Variants in SYTL4 observed in about 807,000 individuals in gnomAD.
SYTL4 encodes synaptotagmin-like protein 4.
A neutral mutation model predicts 52.7 loss-of-function variants in SYTL4; 16 were observed. The observed-to-expected ratio is 0.30, with a 90% confidence interval of 0.21 to 0.46. The LOEUF is 0.46. Ranked by LOEUF, SYTL4 falls within the 20% of genes least tolerant of loss-of-function variation. The pLI is 1.00. For missense variants in SYTL4, 423 were observed against 519.9 expected (o/e 0.81, Z 1.81); for synonymous variants, 160 against 186.6 (o/e 0.86, Z 1.16).
intron 2 of SYTL4, among the ~76,000 whole-genome samples, chrX:100,715,149 T>C (rs2084174347): frequency 9.0e-6 from 1 of 111,202 alleles, no homozygotes; most frequent in South Asian, 3.9e-4. Flanking sequence ...GCCTCCCCAG[T>C]AGCTGGGATT....
chrX:100,707,360 AC>A (rs1179488176), intron 2 of SYTL4, among the ~76,000 whole-genome samples: 1 of 111,545 alleles, frequency 9.0e-6, no homozygotes, highest in Non-Finnish European at 1.9e-5. Context: ...CTTCTAAATA[AC>A]CCACATGTCA....
intron 2 of SYTL4, among the ~76,000 whole-genome samples, chrX:100,705,288 GT>G (rs1398481862): frequency 9.0e-6 from 1 of 111,626 alleles, no homozygotes. Flanking sequence ...CCAAGAATGA[GT>G]GACTATTATT....
intron 2 of SYTL4, among the ~76,000 whole-genome samples, chrX:100,722,790 T>C (rs1168017828): frequency 1.8e-5 from 2 of 111,894 alleles, no homozygotes; most frequent in Non-Finnish European, 3.8e-5. Flanking sequence ...CTGCCTTCAC[T>C]TCCTCATCTC....
chrX:100,693,090 T>G (rs1340403301), intron 8 of SYTL4, among the ~76,000 whole-genome samples: 1 of 111,298 alleles, frequency 9.0e-6, no homozygotes, highest in Non-Finnish European at 1.9e-5. Flanking sequence ...CCACCATGGC[T>G]GGCTAATTTT....
chrX:100,698,153 A>G (rs2083744171), intron 8 of SYTL4, among the ~76,000 whole-genome samples: 1 of 110,448 alleles, frequency 9.1e-6, no homozygotes. Context: ...CCCAGGCTGG[A>G]GTGCAGTGGA....
rs745701809 is a variant in SYTL4 at position 100,702,315 on chromosome X, G to T, written c.-70-208C>A. Reference sequence around the variant, plus strand: ...ATTTTTCAGAAAGAAAAAGTTATTCGTGACTCTGGGAAAAGGATTGGTTAT... The same window carrying T: ...ATTTTTCAGAAAGAAAAAGTTATTCTTGACTCTGGGAAAAGGATTGGTTAT... On this transcript the variant is annotated intron_variant, in intron 4 of 19. Transcript: ENST00000372989. Among the ~76,000 whole-genome samples the T allele has an allele frequency of 8.0e-5, 9 of 112,004 alleles. No individual in the cohort carries two copies. The Admixed American group carries it at 8.5e-4, about 11-fold the overall frequency.
At chrX:100,709,434 G>A (rs1465220758) in intron 2 of SYTL4, among the ~76,000 whole-genome samples, 3 of 111,968 alleles carry the variant, frequency 2.7e-5, no homozygotes, top group African/African-American at 6.5e-5. Context: ...CCTGGGAGGC[G>A]GAAGTTGCAG....
chrX:100,725,657 C>T (rs1025478696), intron 2 of SYTL4, among the ~76,000 whole-genome samples: 9 of 111,565 alleles, frequency 8.1e-5, no homozygotes, highest in Non-Finnish European at 1.1e-4. Context: ...CTTCCCCTGC[C>T]GAAATAAGTT....
intron 2 of SYTL4, among the ~76,000 whole-genome samples, chrX:100,723,527 C>G (rs1025678826): frequency 8.9e-5 from 10 of 112,256 alleles, no homozygotes; most frequent in Non-Finnish European, 1.9e-4. Context: ...ATTGCAGCCT[C>G]TGCCCGGCCG....
At position 100,710,442 on chromosome X, in the gene SYTL4, A is replaced by C. The variant is rs367843946; in HGVS notation, c.-239-5556T>G. Among the ~76,000 whole-genome samples, 4 of 112,106 alleles carry C rather than the reference A, an allele frequency of 3.6e-5. No individual in the cohort carries two copies. The East Asian group carries it at 1.1e-3, about 31-fold the overall frequency. On this transcript the variant is annotated intron_variant, in intron 2 of 19. Coordinates refer to ENST00000372989, the MANE Select transcript of SYTL4 (RefSeq NM_001370165.1). Reference sequence around the variant, plus strand: ...TATTCAGAACTGATTTAGCTACGTCAAGAAATGTGATGGTGTCTACACTTT... The same window carrying C: ...TATTCAGAACTGATTTAGCTACGTCCAGAAATGTGATGGTGTCTACACTTT...
chrX:100,675,889 T>TACATAC lies in SYTL4; in HGVS notation c.*138_*139insGTATGT. 2.5e-6 allele frequency: 1 copy of TACATAC among 407,880 alleles called. No individual in the cohort carries two copies. The highest frequency in any genetic ancestry group is 4.0e-6 in the Non-Finnish European group (1 of 252,443). 33.6% of individuals were successfully genotyped at this position (407,880 alleles called of 1,213,427 possible). On this transcript the variant is annotated 3_prime_UTR_variant, in exon 20 of 20. Transcript: ENST00000372989. ...GAGATTTGCAGAAAATACATGTTTG[T>TACATAC]ACACATACACACACACACACACACA... is the stretch of plus-strand genomic sequence containing the variant.
chrX:100,682,881 T>G (rs1181035984), intron 16 of SYTL4, among the ~76,000 whole-genome samples: 1 of 111,657 alleles, frequency 9.0e-6, no homozygotes, highest in Non-Finnish European at 1.9e-5. Context: ...AAGCCTATTT[T>G]TGTTCATCCT....
At chrX:100,720,366 T>C (rs986942688) in intron 2 of SYTL4, among the ~76,000 whole-genome samples, 6 of 112,277 alleles carry the variant, frequency 5.3e-5, no homozygotes, top group African/African-American at 1.6e-4. Flanking sequence ...CATTTATATG[T>C]ACAAAACATT....
chrX:100,697,498 C>G (rs1007785926), intron 8 of SYTL4, among the ~76,000 whole-genome samples: 1 of 111,481 alleles, frequency 9.0e-6, no homozygotes, highest in Non-Finnish European at 1.9e-5. Flanking sequence ...ATATAAATAG[C>G]CATGAAGTGG....
chrX:100,698,317 A>C (rs1329333909), intron 8 of SYTL4, among the ~76,000 whole-genome samples: 2 of 110,975 alleles, frequency 1.8e-5, no homozygotes, highest in African/African-American at 6.6e-5. Flanking sequence ...GTTAGCCAGG[A>C]TGGTCTCGAT....
chrX:100,715,991 A>G (rs2147806698), intron 2 of SYTL4, among the ~76,000 whole-genome samples: 1 of 107,988 alleles, frequency 9.3e-6, no homozygotes, highest in Admixed American at 1.0e-4. Context: ...ACTAATTGTG[A>G]CAAAGGCAAT....
At position 100,678,412 on chromosome X, in the gene SYTL4, C is replaced by T; in HGVS notation, c.1846G>A (p.Val616Ile). 1.7e-6 allele frequency: 2 copies of T among 1,210,272 alleles called. No individual in the cohort carries two copies. Among genetic ancestry groups the T allele is most frequent in the Non-Finnish European group, 2.2e-6 (2 of 894,392 alleles). Reference protein sequence around the residue: ...PLASNDFLGGVRLGVGTGISN... With the variant: ...PLASNDFLGGIRLGVGTGISN... ...TCACCAGTGCCAACACCCAGCCTGA[C>T]CCCTCCCAGGAAGTCATTGCTGGCC... The change falls in exon 19 of 20, where the codon GTC becomes ATC. Residue 616 changes from valine (V) to isoleucine (I), a missense_variant. Coordinates refer to ENST00000372989, the MANE Select transcript of SYTL4 (RefSeq NM_001370165.1).
chrX:100,690,467 G>T, intron 10 of SYTL4, 96 bp downstream of exon 10: 1 of 599,655 alleles, frequency 1.7e-6, no homozygotes, highest in Non-Finnish European at 2.6e-6. Context: ...GAAGAGTGAG[G>T]GGGAGGGAGG....
At chrX:100,702,324 G>A (rs1477306045) in intron 4 of SYTL4, among the ~76,000 whole-genome samples, 4 of 112,100 alleles carry the variant, frequency 3.6e-5, no homozygotes, top group Non-Finnish European at 7.5e-5. Flanking sequence ...CGTGACTCTG[G>A]GAAAAGGATT....
Sources: allele counts gnomAD v4.1 joint callset (sites outside exome capture counted in the v4.1 genomes callset), GRCh38; gene constraint gnomAD v4.1.1; transcripts MANE v1.5; gene names NCBI Gene and HGNC (gene_info 2026-07-23, HGNC 2026-07-21).